The following TFCP2 variants were observed in gnomAD, a reference collection of about 807,000 sequenced individuals.
TFCP2 encodes alpha-globin transcription factor CP2.
In TFCP2, 33 loss-of-function variants were observed where a neutral mutation model predicts 73.4. The observed-to-expected ratio is 0.45, with a 90% confidence interval of 0.34 to 0.60. TFCP2 has a LOEUF of 0.60. Among genes scored for constraint, TFCP2 ranks in the 20% least tolerant of loss-of-function variants. TFCP2 has a pLI of 0.01. For missense variants in TFCP2, 352 were observed against 604.0 expected, an observed-to-expected ratio of 0.58 and a Z score of 4.37; for synonymous variants, 193 against 211.6, an observed-to-expected ratio of 0.91 and a Z score of 0.76.
At position 51,104,713 on chromosome 12, in the gene TFCP2, A is replaced by AT. The variant is rs11308273; in HGVS notation, c.918-511dup. 9.3e-3 allele frequency among the ~76,000 whole-genome samples: 1,304 copies of AT among 140,690 alleles called. 16 individuals are homozygous for AT. Among genetic ancestry groups the AT allele is most frequent in the African/African-American group, 0.029 (1,144 of 38,816 alleles). 92.3% of individuals were successfully genotyped at this position (140,690 alleles called of 152,430 possible). ...TCACACAGATTTAAAATAAAAAACA[A>AT]TTTTTTTTTTTTTTTTGAGACGGAG... On this transcript the variant is annotated intron_variant, in intron 8 of 14. Transcript: ENST00000257915.
intron 1 of TFCP2, among the ~76,000 whole-genome samples, chr12:51,145,949 C>A (rs1296105000): frequency 6.6e-6 from 1 of 151,886 alleles, no homozygotes; most frequent in Non-Finnish European, 1.5e-5. Flanking sequence ...GACCCTGTCC[C>A]TTCCCCCTCC....
chr12:51,111,058 T>C (rs189710121), intron 4 of TFCP2, 75 bp from the exon 5 acceptor site: 4 of 1,020,730 alleles, frequency 3.9e-6, no homozygotes, highest in East Asian at 2.4e-5. Context: ...TTGATTCTTA[T>C]ATTACTCAAT....
At chr12:51,109,621 C>A (rs1940343784) in intron 5 of TFCP2, among the ~76,000 whole-genome samples, 1 of 151,982 alleles carries the variant, frequency 6.6e-6, no homozygotes, top group Non-Finnish European at 1.5e-5. Flanking sequence ...AGAGGAGTCA[C>A]TACCCAGTCT....
intron 4 of TFCP2, among the ~76,000 whole-genome samples, chr12:51,115,210 C>G (rs1308294192): frequency 2.0e-5 from 3 of 150,432 alleles, no homozygotes; most frequent in African/African-American, 7.3e-5. Context: ...AGCTCCGCCT[C>G]CCGGGTTCAC....
intron 13 of TFCP2, among the ~76,000 whole-genome samples, chr12:51,097,775 G>A (rs575636453): frequency 1.6e-4 from 25 of 152,128 alleles, no homozygotes; most frequent in Admixed American, 9.2e-4. Flanking sequence ...CCAGCACTTC[G>A]GGAGGCTGAG....
chr12:51,136,302 TA>T (rs11312082), intron 1 of TFCP2, among the ~76,000 whole-genome samples: 122,948 of 136,808 alleles, frequency 0.9, 55,206 homozygotes, highest in Non-Finnish European at 0.96. Context: ...AGACTCTAAA[TA>T]AAAAAAAAAA....
chr12:51,115,224 A>G (rs1017825197), intron 4 of TFCP2, among the ~76,000 whole-genome samples: 46 of 142,558 alleles, frequency 3.2e-4, no homozygotes, highest in African/African-American at 1.1e-3. Context: ...GGTTCACACC[A>G]TTCTCCTGCC....
intron 13 of TFCP2, among the ~76,000 whole-genome samples, chr12:51,096,899 A>G (rs4238109): frequency 0.97 from 147,879 of 152,116 alleles, 71,916 homozygotes; most frequent in East Asian, 1. Flanking sequence ...GCAAGGGTAC[A>G]GGTAGGGAAC....
At chr12:51,161,685 A>T (rs1017981642) in intron 1 of TFCP2, among the ~76,000 whole-genome samples, 17 of 149,358 alleles carry the variant, frequency 1.1e-4, no homozygotes, top group African/African-American at 3.2e-4. Flanking sequence ...GTCTCAAAAA[A>T]AATAATAATA....
At chr12:51,144,645 T>C (rs1371485420) in intron 1 of TFCP2, among the ~76,000 whole-genome samples, 2 of 152,198 alleles carry the variant, frequency 1.3e-5, no homozygotes, top group African/African-American at 2.4e-5. Context: ...ATTGGAGCCT[T>C]AGCAACACCC....
At chr12:51,159,461 C>T (rs994973317) in intron 1 of TFCP2, among the ~76,000 whole-genome samples, 12 of 151,878 alleles carry the variant, frequency 7.9e-5, no homozygotes, top group Admixed American at 5.2e-4. Context: ...GCCTCAGCCG[C>T]CCAAGTAGCT....
At chr12:51,126,243 A>AG (rs1940815298) in intron 1 of TFCP2, among the ~76,000 whole-genome samples, 1 of 151,046 alleles carries the variant, frequency 6.6e-6, no homozygotes, top group Non-Finnish European at 1.5e-5. Context: ...AAAAAAAAAA[A>AG]AAAAAAAAGA....
At chr12:51,145,567 CAAAAAAAA>C (rs59778550) in intron 1 of TFCP2, among the ~76,000 whole-genome samples, 1 of 49,152 alleles carries the variant, frequency 2.0e-5, no homozygotes, top group Non-Finnish European at 3.4e-5. Context: ...AAGACTATCT[CAAAAAAAA>C]AAAAAAAAAA....
chr12:51,116,036 AATG>A (rs1039042528), intron 4 of TFCP2, among the ~76,000 whole-genome samples: 3 of 152,212 alleles, frequency 2.0e-5, no homozygotes, highest in African/African-American at 7.2e-5. Flanking sequence ...AAATGGTTAA[AATG>A]ATAACTTTTA....
chr12:51,160,457 C>T (rs1008584556), intron 1 of TFCP2, among the ~76,000 whole-genome samples: 6 of 151,518 alleles, frequency 4.0e-5, no homozygotes, highest in Non-Finnish European at 7.4e-5. Flanking sequence ...TTTTTTACTC[C>T]GCTTTTTCCA....
chr12:51,171,193 G>A (rs1320447146), intron 1 of TFCP2, among the ~76,000 whole-genome samples: 2 of 152,048 alleles, frequency 1.3e-5, no homozygotes, highest in African/African-American at 4.8e-5. Context: ...TTTAGATTAA[G>A]TCTTAATAAT....
intron 1 of TFCP2, among the ~76,000 whole-genome samples, chr12:51,158,775 C>T (rs968569852): frequency 1.3e-5 from 2 of 151,246 alleles, no homozygotes; most frequent in African/African-American, 2.4e-5. Flanking sequence ...AGGCGTGACC[C>T]ACCACACCCA....
In TFCP2 at chr12:51,094,348, CT is replaced by C. The variant is rs1939906770; in HGVS notation, c.*892del. 6.6e-6 allele frequency: 1 copy of C among 152,122 alleles called. No individual in the cohort carries two copies. The allele number at this position is 152,122 out of a possible 1,614,324, so 9.4% of individuals were successfully genotyped here. On this transcript the variant is annotated 3_prime_UTR_variant, in exon 15 of 15. Coordinates refer to ENST00000257915, the MANE Select transcript of TFCP2 (RefSeq NM_005653.5). ...ATTTGTTCATCATTATTTAGGTGTGCTTTGTCTCTTTCAGTGGTTAATTCCT... is the reference window on the plus strand; with the variant it reads ...ATTTGTTCATCATTATTTAGGTGTGCTTGTCTCTTTCAGTGGTTAATTCCT...
chr12:51,104,568 A>C (rs1322933587), intron 8 of TFCP2, among the ~76,000 whole-genome samples: 1 of 152,180 alleles, frequency 6.6e-6, no homozygotes, highest in Non-Finnish European at 1.5e-5. Context: ...AAATTTAAAA[A>C]TAAAATGAAA....
Sources: gnomAD v4.1 joint callset for allele counts (sites outside exome capture counted in the v4.1 genomes callset) on GRCh38, gnomAD v4.1.1 for gene constraint, MANE v1.5 for transcripts, NCBI Gene and HGNC (gene_info 2026-07-23, HGNC 2026-07-21) for gene names.